Variants in TAOK2 observed in about 807,000 individuals in gnomAD.
TAOK2 encodes TAO kinase 2.
TAOK2 carries 42 observed loss-of-function variants against 122.5 expected under a neutral mutation model. The ratio of observed to expected loss-of-function variants is 0.34; its 90% confidence interval spans 0.27 to 0.44. The LOEUF is 0.44. TAOK2 is among the 20% of genes least tolerant of loss of function. The probability of loss-of-function intolerance (pLI) is 1.00; values close to 1 mark genes in which losing one functional copy is unlikely to be tolerated. For synonymous variants in TAOK2, 704 were observed against 677.6 expected, an observed-to-expected ratio of 1.04 and a Z score of -0.61; for missense variants, 1,264 against 1,644.9, an observed-to-expected ratio of 0.77 and a Z score of 4.01.
At chr16:29,989,514 TTCC>T, downstream of TAOK2, 1 of 1,596,430 alleles carries the variant, frequency 6.3e-7, no homozygotes, top group Non-Finnish European at 8.6e-7. Context: ...CCCCTGGTTG[TTCC>T]TCCTCTTCCT....
chr16:29,981,771 C>T lies in TAOK2; in HGVS notation c.749+17C>T, dbSNP rs563587801. ...AGGACACTGGTGAGGACTGAGATTC[C>T]GAATCTGGGCCCAGGCGTTAGGCCA... On this transcript the variant is annotated intron_variant, in intron 9 of 15. Coordinates refer to ENST00000308893, the MANE Select transcript of TAOK2 (RefSeq NM_016151.4). 5.5e-5 allele frequency: 88 copies of T among 1,613,808 alleles called. 3 individuals carry two copies. The South Asian group carries it at 7.4e-4, about 13-fold the overall frequency.
In TAOK2 at chr16:29,985,979, CTTT is replaced by C; in HGVS notation, c.1992+119_1992+121del. 7.7e-7 allele frequency: 1 copy of C among 1,307,052 alleles called. No homozygotes were observed. The highest frequency in any genetic ancestry group is 1.1e-6 in the Non-Finnish European group (1 of 951,798). 81.0% of individuals were successfully genotyped at this position (1,307,052 alleles called of 1,614,324 possible). A position where few individuals can be genotyped will look rare whatever the true frequency, so the allele number is the denominator to read the frequency against. ...TTGGCCCTCGAGTGTTACAGTTCAGCTTTGCTTCAGTGCCCCTTTTACTTCTCA... is the reference window on the plus strand; with the variant it reads ...TTGGCCCTCGAGTGTTACAGTTCAGCGCTTCAGTGCCCCTTTTACTTCTCA... On this transcript the variant is annotated intron_variant, in intron 15 of 15. Coordinates refer to ENST00000308893, the MANE Select transcript of TAOK2 (RefSeq NM_016151.4). This position sits in a 1 kb window ranked among gnomAD's most constrained non-coding sequence, Gnocchi z 6.9.
In TAOK2 at chr16:29,987,655, C is replaced by T; in HGVS notation, c.3383C>T (p.Pro1128Leu). Residue 1128 changes from proline to leucine, a missense_variant, in exon 16 of 16, where the codon CCC (proline) becomes CTC (leucine). Coordinates refer to ENST00000308893, the MANE Select transcript of TAOK2 (RefSeq NM_016151.4). The part of the protein sequence containing the change: ...TNKDGFRSRL[P>L]VPGPRRRNPR... ...AAGGATGGCTTCCGCAGCCGCCTGC[C>T]CGTCCCTGGGCCCCGGCGGCGTAAT... The T allele has an allele frequency of 1.2e-6, 2 of 1,613,674 alleles. No homozygotes were observed. Among genetic ancestry groups the T allele is most frequent in the East Asian group, 2.2e-5 (1 of 44,876 alleles).
chr16:29,988,489 C>T, downstream of TAOK2: 3 of 1,201,114 alleles, frequency 2.5e-6, no homozygotes, highest in South Asian at 1.5e-5. Flanking sequence ...GCTCCATGAC[C>T]TCTTCACCCC....
chr16:29,987,176 C>T lies in TAOK2; in HGVS notation c.2904C>T (p.Leu968=). The T allele has an allele frequency of 6.4e-7, 1 of 1,560,096 alleles. No individual in the cohort carries two copies. The highest frequency in any genetic ancestry group is 8.6e-7 in the Non-Finnish European group (1 of 1,158,204). The stretch of plus-strand genomic sequence containing the variant: ...GGTCCTCCTCTGGCCTCCTGCCCCT[C>T]CTGCTGCTGCTGCTGCTTCCATTGC... The part of the protein sequence containing the change: ...AVGSSSGLLP[L]LLLLLLPLLA... The change falls in exon 16 of 16, where the codon CTC becomes CTT. Residue 968 remains leucine, a synonymous_variant. Coordinates refer to ENST00000308893, the MANE Select transcript of TAOK2 (RefSeq NM_016151.4).
intron 8 of TAOK2, chr16:29,980,828 A>C (rs148496044): frequency 6.6e-6 from 1 of 152,280 alleles, no homozygotes; most frequent in East Asian, 1.9e-4. Flanking sequence ...ATAAATGTCA[A>C]CTCATACTAA....
chr16:29,991,005 G>A, downstream of TAOK2: 2 of 1,591,050 alleles, frequency 1.3e-6, no homozygotes, highest in Non-Finnish European at 1.7e-6. The surrounding 1 kb of genome is among the most constrained non-coding windows in gnomAD (Gnocchi z 5.6). Context: ...AGGGAGGGTG[G>A]GCTCCTGCCC....
rs770111165 is a variant in TAOK2 at position 29,987,310 on chromosome 16, C to T, written c.3038C>T (p.Pro1013Leu). Reference protein sequence around the residue: ...YLLLCTALHLPSSLFLLLAQG... With the variant: ...YLLLCTALHLLSSLFLLLAQG... ...CTCCTTTGTACAGCCCTGCACCTGC[C>T]CTCCAGTCTTTTCCTACTCCTGGCC... The change falls in exon 16 of 16, where the codon CCC becomes CTC. Residue 1013 changes from proline to leucine, a missense_variant. Physicochemically the swap from Pro to Leu is moderately conservative, Grantham distance 98. Around this residue, in one of 4 missense-constraint regions of TAOK2, gnomAD observed 824 missense variants for 908.7 expected, o/e 0.91. Coordinates refer to ENST00000308893, the MANE Select transcript of TAOK2 (RefSeq NM_016151.4). The T allele has an allele frequency of 4.6e-6, 7 of 1,525,836 alleles. No homozygotes were observed. Among genetic ancestry groups the T allele is most frequent in the Non-Finnish European group, 6.1e-6 (7 of 1,139,248 alleles). The allele number at this position is 1,525,836 out of a possible 1,614,324, so 94.5% of individuals were successfully genotyped here. A position where few individuals can be genotyped will look rare whatever the true frequency, so the allele number is the denominator to read the frequency against.
At position 29,986,690 on chromosome 16, in the gene TAOK2, G is replaced by A. The variant is rs776913147; in HGVS notation, c.2418G>A (p.Gly806=). 1.6e-5 allele frequency: 26 copies of A among 1,613,596 alleles called. No individual in the cohort carries two copies. Among genetic ancestry groups the A allele is most frequent in the South Asian group, 2.2e-5 (2 of 91,034 alleles). The change falls in exon 16 of 16, where the codon GGG becomes GGA. Residue 806 remains glycine (G), a synonymous_variant. Transcript: ENST00000308893. The surrounding 1 kb of genome is among the most constrained non-coding windows in gnomAD (Gnocchi z 4.2). ...VGERRILGKE[G]ATLEPKQQRI... is the part of the protein sequence containing the mutation. The stretch of plus-strand genomic sequence containing the variant: ...AGAGAAGGATTCTGGGAAAGGAAGG[G>A]GCCACTTTGGAGCCCAAGCAGCAGA...
rs371473286 is a variant in TAOK2, at chr16:29,985,474, C to T, written c.1684C>T (p.Arg562Trp). The change falls in exon 14 of 16, where the codon CGG becomes TGG. Residue 562 changes from arginine (R) to tryptophan (W), a missense_variant. Around this residue, in one of 4 missense-constraint regions of TAOK2, gnomAD observed 824 missense variants for 908.7 expected, o/e 0.91. Transcript: ENST00000308893. This position sits in a 1 kb window ranked among gnomAD's most constrained non-coding sequence, Gnocchi z 6.9. ...GGCACGAGCTGCCCAGGCCGAGGAG[C>T]GGAAGTTCCAGCAGCACATCCTTGG... Reference protein sequence around the residue: ...KEARAAQAEERKFQQHILGQQ... With the variant: ...KEARAAQAEEWKFQQHILGQQ... 12 of 1,612,880 alleles carry T rather than the reference C, an allele frequency of 7.4e-6. No homozygotes were observed. Among genetic ancestry groups the T allele is most frequent in the Admixed American group, 1.7e-5 (1 of 59,884 alleles).
At chr16:29,988,766 TGGG>T (rs2150908606), downstream of TAOK2, 1 of 985,300 alleles carries the variant, frequency 1.0e-6, no homozygotes, top group African/African-American at 1.7e-5. Flanking sequence ...CCTAGTGGGT[TGGG>T]GGACGGGGCT....
chr16:29,992,090 CTTTTTTT>C (rs878891173), downstream of TAOK2: 1 of 137,774 alleles, frequency 7.3e-6, no homozygotes, highest in Non-Finnish European at 1.6e-5. Flanking sequence ...TGTCCTTTAT[CTTTTTTT>C]TTTTTTTTTT....
rs754877282 is a variant in TAOK2 at position 29,983,230 on chromosome 16, A to AGAG, written c.1170_1172dup (p.Glu392dup). On this transcript the variant is annotated inframe_insertion, in exon 12 of 16. Transcript: ENST00000308893. Reference sequence around the variant, plus strand: ...AGGAAGAGGAGGAGGAGGAGGAGGAAGAGGAGGAGGAGGAAGAAGGCCCTG... The same window carrying AGAG: ...AGGAAGAGGAGGAGGAGGAGGAGGAAGAGGAGGAGGAGGAGGAAGAAGGCCCTG... 15 of 1,611,836 alleles carry AGAG rather than the reference A, an allele frequency of 9.3e-6. No individual in the cohort carries two copies. Among genetic ancestry groups the AGAG allele is most frequent in the Admixed American group, 8.4e-5 (5 of 59,810 alleles).
At chr16:29,990,943 C>T (rs746982448), downstream of TAOK2, 25 of 1,612,192 alleles carry the variant, frequency 1.6e-5, no homozygotes, top group South Asian at 3.3e-5. Flanking sequence ...GGTCGCGCTG[C>T]GGCGGGCACT....
At chr16:29,989,821 C>T, downstream of TAOK2, 1 of 1,611,626 alleles carries the variant, frequency 6.2e-7, no homozygotes, top group Non-Finnish European at 8.5e-7. Context: ...GCCTGGGGTC[C>T]AGGGAGGGAG....
chr16:29,977,997 T>C, intron 2 of TAOK2, 92 bp from the exon 3 acceptor site: 1 of 1,611,560 alleles, frequency 6.2e-7, no homozygotes, highest in South Asian at 1.1e-5. Flanking sequence ...TCCATCACAC[T>C]GGTCTTTCCT....
chr16:29,988,389 C>T lies in TAOK2; in HGVS notation c.*409C>T, dbSNP rs1347420209. The stretch of plus-strand genomic sequence containing the variant: ...GACAAACACAAATAAAATATCTGAG[C>T]GGAACTGTGCCTTTGGCCCAGGCTG... On this transcript the variant is annotated 3_prime_UTR_variant, in exon 16 of 16. Transcript: ENST00000308893. The T allele has an allele frequency of 4.6e-6, 6 of 1,308,340 alleles. No homozygotes were observed. Among genetic ancestry groups the T allele is most frequent in the Admixed American group, 2.3e-5 (1 of 43,780 alleles). The allele number at this position is 1,308,340 out of a possible 1,614,324, so 81.0% of individuals were successfully genotyped here. A position where few individuals can be genotyped will look rare whatever the true frequency, so the allele number is the denominator to read the frequency against.
chr16:29,977,852 T>C lies in TAOK2; in HGVS notation c.80T>C (p.Leu27Pro), dbSNP rs765662810. Residue 27 changes from leucine (L) to proline (P), a missense_variant, in exon 2 of 16, where the codon CTC becomes CCC. Around this residue, in one of 4 missense-constraint regions of TAOK2, gnomAD observed 254 missense variants for 503.8 expected, o/e 0.50. Transcript: ENST00000308893. ...ELFFKDDPEK[L>P]FSDLREIGHG... The stretch of plus-strand genomic sequence containing the variant: ...TTCTTCAAGGATGACCCAGAAAAGC[T>C]CTTCTCTGACCTCCGGGAAATTGGC... 6.2e-7 allele frequency: 1 copy of C among 1,614,172 alleles called. No homozygotes were observed. Among genetic ancestry groups the C allele is most frequent in the Non-Finnish European group, 8.5e-7 (1 of 1,180,020 alleles).
Position 29,987,674 on chromosome 16 carries a change from G to T in TAOK2, c.3402G>T (p.Arg1134=), listed in dbSNP as rs754412554. The T allele has an allele frequency of 1.2e-6, 2 of 1,613,936 alleles. No individual in the cohort carries two copies. Among genetic ancestry groups the T allele is most frequent in the Admixed American group, 3.3e-5 (2 of 60,004 alleles). Reference sequence around the variant, plus strand: ...GCCTGCCCGTCCCTGGGCCCCGGCGGCGTAATCCCCGCACCACCCAACACC... The same window carrying T: ...GCCTGCCCGTCCCTGGGCCCCGGCGTCGTAATCCCCGCACCACCCAACACC... The part of the protein sequence containing the change: ...RSRLPVPGPR[R]RNPRTTQHPL... The change falls in exon 16 of 16, where the codon CGG becomes CGT. Residue 1134 remains arginine (R), a synonymous_variant. Coordinates refer to ENST00000308893, the MANE Select transcript of TAOK2 (RefSeq NM_016151.4).
Sources: gnomAD v4.1 joint callset for allele counts on GRCh38, gnomAD v4.1.1 for gene constraint, gnomAD v4.1.1 regional missense constraint, Gnocchi (gnomAD v3.1) non-coding constraint, MANE v1.5 for transcripts, NCBI Gene and HGNC (gene_info 2026-07-23, HGNC 2026-07-21) for gene names.